CNOT1: variants seen among roughly 807,000 people sequenced by gnomAD.
CNOT1 encodes CCR4-associated factor 1.
Under a neutral mutation model 273.8 loss-of-function variants are expected in CNOT1, and 15 were observed. The ratio of observed to expected loss-of-function variants is 0.05; its 90% CI spans 0.04 to 0.08. The LOEUF is 0.08. Among genes scored for constraint, CNOT1 ranks in the 10% least tolerant of loss-of-function variants. CNOT1 has a pLI of 1.00. For synonymous variants in CNOT1, 1,022 were observed against 1,005.5 expected, an observed-to-expected ratio of 1.02 and a Z score of -0.31; for missense variants, 1,644 against 2,912.2, an observed-to-expected ratio of 0.56 and a Z score of 10.02.
chr16:58,627,393 G>C (rs1381564331), intron 1 of CNOT1, among the ~76,000 whole-genome samples: 1 of 82,184 alleles, frequency 1.2e-5, no homozygotes, highest in Non-Finnish European at 2.0e-5. Flanking sequence ...GACAGAGCGA[G>C]ACTCCATCTC....
intron 14 of CNOT1, among the ~76,000 whole-genome samples, chr16:58,576,157 C>G (rs1416223806): frequency 6.6e-6 from 1 of 151,722 alleles, no homozygotes; most frequent in Non-Finnish European, 1.5e-5. Flanking sequence ...GTCACCCAGG[C>G]TGGAGTGCAG....
chr16:58,559,947 A>T, intron 17 of CNOT1: 1 of 925,974 alleles, frequency 1.1e-6, no homozygotes, highest in Non-Finnish European at 1.6e-6. Context: ...TCAAGAGTCT[A>T]CGTAATTCAT....
chr16:58,537,718 T>C (rs1424714929), intron 38 of CNOT1, among the ~76,000 whole-genome samples, 173 bp downstream of exon 38: 1 of 152,236 alleles, frequency 6.6e-6, no homozygotes, highest in Non-Finnish European at 1.5e-5. Context: ...GACTTGGCAG[T>C]CAATTAGGCT....
chr16:58,576,732 C>T (rs2041468862), intron 13 of CNOT1, 150 bp from the exon 14 acceptor site: 1 of 1,307,260 alleles, frequency 7.6e-7, no homozygotes, highest in Admixed American at 2.6e-5. Flanking sequence ...ATGCAATTAC[C>T]GTGACGTTCT....
intron 34 of CNOT1, among the ~76,000 whole-genome samples, chr16:58,540,601 C>G (rs945988828): frequency 6.6e-6 from 1 of 152,158 alleles, no homozygotes; most frequent in Non-Finnish European, 1.5e-5. Context: ...GATTCTAAAA[C>G]AGGTCTTTTA....
chr16:58,588,351 A>G (rs2041945071), intron 3 of CNOT1, among the ~76,000 whole-genome samples: 1 of 152,050 alleles, frequency 6.6e-6, no homozygotes, highest in Admixed American at 6.5e-5. Flanking sequence ...TTATAAAAAT[A>G]GAGTTTTTTA....
intron 24 of CNOT1, 114 bp from the exon 25 acceptor site, chr16:58,550,012 T>TA (rs2040399604): frequency 3.4e-6 from 5 of 1,478,370 alleles, no homozygotes; most frequent in Non-Finnish European, 3.6e-6. Context: ...AACTAGATGC[T>TA]AAAGAATGAC....
chr16:58,560,490 T>C (rs995435837), intron 16 of CNOT1, 128 bp from the exon 17 acceptor site: 1 of 1,426,372 alleles, frequency 7.0e-7, no homozygotes, highest in Non-Finnish European at 9.2e-7. Context: ...TGGAGTGCAG[T>C]AGCACGATAT....
At chr16:58,526,843 C>T (rs1446817591) in intron 44 of CNOT1, among the ~76,000 whole-genome samples, 3 of 144,322 alleles carry the variant, frequency 2.1e-5, no homozygotes, top group African/African-American at 7.9e-5. Flanking sequence ...AAAAAAAATG[C>T]ATGTGTCAGA....
Position 58,585,146 on chromosome 16 carries a change from G to A in CNOT1, c.806+192C>T, listed in dbSNP as rs566460755. Reference sequence around the variant, plus strand: ...AATTTTGAGAAACTGGTGAGGGGAAGGAGATAAACATTTAACACCCAGGAT... The same window carrying A: ...AATTTTGAGAAACTGGTGAGGGGAAAGAGATAAACATTTAACACCCAGGAT... On this transcript the variant is annotated intron_variant, in intron 8 of 48. Coordinates refer to ENST00000317147, the MANE Select transcript of CNOT1 (RefSeq NM_016284.5). Among the ~76,000 whole-genome samples the A allele has an allele frequency of 2.0e-5, 3 of 152,268 alleles. No individual in the cohort carries two copies. In the South Asian group the frequency reaches 6.2e-4, roughly 32 times the overall value.
chr16:58,576,725 C>T, intron 13 of CNOT1, 143 bp from the exon 14 acceptor site: 1 of 1,327,770 alleles, frequency 7.5e-7, no homozygotes, highest in South Asian at 1.5e-5. Flanking sequence ...TCAAACTATG[C>T]AATTACCGTG....
At chr16:58,590,959 G>T (rs1201995825) in intron 2 of CNOT1, among the ~76,000 whole-genome samples, 1 of 152,156 alleles carries the variant, frequency 6.6e-6, no homozygotes, top group African/African-American at 2.4e-5. Context: ...TGTGGGAGAA[G>T]TACAGGCAAA....
At chr16:58,534,946 A>T in intron 39 of CNOT1, among the ~76,000 whole-genome samples, 1 of 152,390 alleles carries the variant, frequency 6.6e-6, no homozygotes, top group East Asian at 1.9e-4. Context: ...TAGGTATTTT[A>T]ATGTAATAAA....
intron 1 of CNOT1, among the ~76,000 whole-genome samples, chr16:58,622,835 G>T (rs947474776): frequency 1.4e-5 from 2 of 146,794 alleles, no homozygotes; most frequent in Admixed American, 1.4e-4. Flanking sequence ...CGCCAAGAGT[G>T]AAACTCTTGA....
intron 12 of CNOT1, among the ~76,000 whole-genome samples, chr16:58,579,792 T>G (rs1430343856): frequency 6.6e-6 from 1 of 152,078 alleles, no homozygotes; most frequent in African/African-American, 2.4e-5. Context: ...TCTTCACACA[T>G]TCACAGAGAG....
intron 17 of CNOT1, chr16:58,559,678 A>G: frequency 5.4e-6 from 2 of 372,070 alleles, no homozygotes; most frequent in South Asian, 4.2e-5. Context: ...CCACTGAATC[A>G]CTAACTTTTA....
chr16:58,602,505 A>G (rs1266148890), intron 1 of CNOT1, among the ~76,000 whole-genome samples: 1 of 142,776 alleles, frequency 7.0e-6, no homozygotes, highest in Admixed American at 7.3e-5. Flanking sequence ...GTGAGCCAAG[A>G]TCACACCACT....
chr16:58,580,583 C>G, intron 12 of CNOT1, 50 bp downstream of exon 12: 4 of 1,577,288 alleles, frequency 2.5e-6, no homozygotes, highest in Non-Finnish European at 3.4e-6. Context: ...CTTTATATTT[C>G]ACAAAATAAG....
At chr16:58,564,108 C>T (rs965526619) in intron 16 of CNOT1, among the ~76,000 whole-genome samples, 1 of 152,130 alleles carries the variant, frequency 6.6e-6, no homozygotes, top group Admixed American at 6.5e-5. Context: ...TGCATATTAT[C>T]TCTTCTACAG....
Sources: gnomAD v4.1 joint callset for allele counts (sites outside exome capture counted in the v4.1 genomes callset) on GRCh38, gnomAD v4.1.1 for gene constraint, MANE v1.5 for transcripts, NCBI Gene and HGNC (gene_info 2026-07-23, HGNC 2026-07-21) for gene names.